Variants in ACYP2 observed in about 807,000 individuals in gnomAD.
ACYP2 encodes acylphosphatase 2.
In ACYP2, 12 loss-of-function variants were observed where a neutral mutation model predicts 11.2. The ratio of observed to expected loss-of-function variants is 1.08; its 90% CI spans 0.69 to 1.74. The LOEUF is 1.74. Among genes scored for constraint, ACYP2 ranks in the 40% most tolerant of loss-of-function variants. The probability of loss-of-function intolerance (pLI) is 0.00; values close to 1 mark genes in which losing one functional copy is unlikely to be tolerated. For synonymous variants in ACYP2, 43 were observed against 32.2 expected (o/e 1.33, Z -1.13); for missense variants, 134 against 101.9 (o/e 1.31, Z -1.35).
chr2:53,974,890 T>C (rs1345396055), intron 2 of ACYP2, among the ~76,000 whole-genome samples: 1 of 151,558 alleles, frequency 6.6e-6, no homozygotes, highest in Non-Finnish European at 1.5e-5. Context: ...GTGAAGAGAG[T>C]AGAGAGCTAA....
rs553437410 is a variant in ACYP2 at position 54,230,320 on chromosome 2, A to G, written c.405-74368A>G. Among the ~76,000 whole-genome samples, 8 of 152,174 alleles carry G rather than the reference A, an allele frequency of 5.3e-5. No homozygotes were observed. The South Asian group carries it at 1.7e-3, about 32-fold the overall frequency. ...ATCTGAGAGCTTCCTCTGCACAATA[A>G]AAGTTGGTCTCCACAATCCTTTACC... On this transcript the variant is annotated intron_variant, in intron 6 of 6. Coordinates refer to ENST00000607452, the MANE Select transcript of ACYP2 (RefSeq NM_001320586.2).
intron 4 of ACYP2, among the ~76,000 whole-genome samples, chr2:54,097,991 C>T (rs1238825381): frequency 1.5e-5 from 2 of 132,528 alleles, no homozygotes; most frequent in Non-Finnish European, 3.1e-5. Flanking sequence ...GAGGTGGAGT[C>T]TCCCTCTGTC....
chr2:54,065,218 T>C (rs558236438), intron 4 of ACYP2, among the ~76,000 whole-genome samples: 1 of 152,324 alleles, frequency 6.6e-6, no homozygotes, highest in Non-Finnish European at 1.5e-5. Flanking sequence ...ATTTAACATT[T>C]GAAATCGTTA....
intron 6 of ACYP2, among the ~76,000 whole-genome samples, chr2:54,262,059 A>G (rs1227696361): frequency 6.6e-6 from 1 of 152,228 alleles, no homozygotes; most frequent in Non-Finnish European, 1.5e-5. Flanking sequence ...CTAATGTAGC[A>G]CTCATAGAAA....
chr2:54,216,917 A>T (rs1040776562), intron 6 of ACYP2, among the ~76,000 whole-genome samples: 6 of 152,160 alleles, frequency 3.9e-5, no homozygotes, highest in Admixed American at 3.9e-4. Context: ...CTTTGTTTCT[A>T]TTGTAAGTGG....
At chr2:54,068,400 T>C (rs1379393326) in intron 4 of ACYP2, among the ~76,000 whole-genome samples, 1 of 152,202 alleles carries the variant, frequency 6.6e-6, no homozygotes, top group African/African-American at 2.4e-5. Flanking sequence ...ACTGGGCCAA[T>C]GAAATTTTCT....
At chr2:54,170,865 C>T (rs1683194198) in intron 6 of ACYP2, among the ~76,000 whole-genome samples, 1 of 152,170 alleles carries the variant, frequency 6.6e-6, no homozygotes, top group Admixed American at 6.6e-5. Context: ...TAGCATCCAT[C>T]TGCAGGTCTC....
chr2:54,174,569 G>A (rs1683356632), intron 6 of ACYP2, among the ~76,000 whole-genome samples: 1 of 152,194 alleles, frequency 6.6e-6, no homozygotes, highest in South Asian at 2.1e-4. Flanking sequence ...ATGTTGAATA[G>A]GAGTGGTGAG....
At chr2:53,994,762 G>C (rs1672488405) in intron 2 of ACYP2, among the ~76,000 whole-genome samples, 1 of 152,136 alleles carries the variant, frequency 6.6e-6, no homozygotes, top group Admixed American at 6.6e-5. Context: ...TTCTAGAACT[G>C]AATATCTGAA....
chr2:54,244,509 A>G (rs1002229422), intron 6 of ACYP2, among the ~76,000 whole-genome samples: 6 of 152,216 alleles, frequency 3.9e-5, no homozygotes, highest in African/African-American at 1.4e-4. Context: ...TTACAGTGGC[A>G]TGAGCCACTG....
At chr2:54,034,558 G>T (rs968484174) in intron 2 of ACYP2, among the ~76,000 whole-genome samples, 5 of 152,136 alleles carry the variant, frequency 3.3e-5, no homozygotes, top group African/African-American at 1.2e-4. Context: ...TACCATCTAG[G>T]TTTGCGTAAG....
At chr2:53,971,490 G>T (rs1671110252) in intron 1 of ACYP2, among the ~76,000 whole-genome samples, 1 of 152,122 alleles carries the variant, frequency 6.6e-6, no homozygotes, top group African/African-American at 2.4e-5. Context: ...TGGTATTCTG[G>T]CCGCCATCAT....
At chr2:53,994,960 C>T (rs1182918035) in intron 2 of ACYP2, among the ~76,000 whole-genome samples, 3 of 152,122 alleles carry the variant, frequency 2.0e-5, no homozygotes, top group African/African-American at 7.2e-5. Context: ...GTTGGTATAC[C>T]ATGTGACAGT....
At chr2:54,201,687 TCTCTCTCTCTC>T (rs1357451907) in intron 6 of ACYP2, among the ~76,000 whole-genome samples, 1 of 143,238 alleles carries the variant, frequency 7.0e-6, no homozygotes, top group Admixed American at 6.9e-5. Flanking sequence ...TCTTTCTCTC[TCTCTCTCTCTC>T]TTTTTTCTTT....
chr2:54,280,065 G>A (rs1264039949), intron 6 of ACYP2, among the ~76,000 whole-genome samples: 2 of 152,006 alleles, frequency 1.3e-5, no homozygotes, highest in African/African-American at 4.8e-5. Context: ...CCAACAATAG[G>A]AGATATCCAG....
rs562585612 is a variant in ACYP2, at chr2:54,136,951, G to C, written c.294+1482G>C. Among the ~76,000 whole-genome samples the C allele has an allele frequency of 2.3e-3, 348 of 152,226 alleles. 2 individuals carry two copies. Among genetic ancestry groups the C allele is most frequent in the African/African-American group, 8.1e-3 (335 of 41,528 alleles). On this transcript the variant is annotated intron_variant, in intron 5 of 6. Coordinates refer to ENST00000607452, the MANE Select transcript of ACYP2 (RefSeq NM_001320586.2). ...AGATGGCGCCACTGCACTCCAGCCT[G>C]GACGACAAGAGTGAAATTCCATCTC... is the stretch of plus-strand genomic sequence containing the variant.
chr2:54,195,308 T>G (rs953028722), intron 6 of ACYP2, among the ~76,000 whole-genome samples: 1 of 152,220 alleles, frequency 6.6e-6, no homozygotes, highest in South Asian at 2.1e-4. Context: ...TCTTTGTTGC[T>G]AGTGATAATT....
At chr2:54,247,895 C>T (rs1409026596) in intron 6 of ACYP2, among the ~76,000 whole-genome samples, 1 of 152,192 alleles carries the variant, frequency 6.6e-6, no homozygotes, top group Non-Finnish European at 1.5e-5. Context: ...GTCTCACATT[C>T]CTCAGCTGCA....
intron 4 of ACYP2, among the ~76,000 whole-genome samples, chr2:54,102,811 G>T (rs1269900042): frequency 6.6e-6 from 1 of 152,222 alleles, no homozygotes; most frequent in East Asian, 1.9e-4. Flanking sequence ...TCTGAGGCAG[G>T]CTTTCTCTCT....
Sources: gnomAD v4.1 joint callset for allele counts (sites outside exome capture counted in the v4.1 genomes callset) on GRCh38, gnomAD v4.1.1 for gene constraint, MANE v1.5 for transcripts, NCBI Gene and HGNC (gene_info 2026-07-23, HGNC 2026-07-21) for gene names.